Variants in THADA observed in about 807,000 individuals in gnomAD.
The protein encoded by THADA is tRNA (32-2'-O)-methyltransferase regulator THADA.
In THADA, 213 loss-of-function variants were observed where a neutral mutation model predicts 219.8. The observed-to-expected ratio is 0.97, with a 90% CI of 0.87 to 1.09. The LOEUF (loss-of-function observed/expected upper bound fraction) is 1.09. Ranked by LOEUF, THADA falls within the 50% of genes least tolerant of loss-of-function variation. The pLI is 0.00. For synonymous variants in THADA, 1,018 were observed against 828.9 expected, an observed-to-expected ratio of 1.23 and a Z score of -3.92; for missense variants, 2,956 against 2,311.3, an observed-to-expected ratio of 1.28 and a Z score of -5.72.
intron 10 of THADA, among the ~76,000 whole-genome samples, chr2:43,576,097 G>GA (rs1453374775): frequency 6.6e-6 from 1 of 152,038 alleles, no homozygotes; most frequent in African/African-American, 2.4e-5. Flanking sequence ...AATTTTTAAA[G>GA]AAAAAATATA....
At chr2:43,564,933 G>A (rs1189871750) in intron 15 of THADA, 2 of 152,146 alleles carry the variant, frequency 1.3e-5, no homozygotes, top group East Asian at 3.8e-4. Context: ...AAAACGCAAT[G>A]CGTGATCTAG....
rs536854453 is a variant in THADA at position 43,400,333 on chromosome 2, T to C, written c.4059-2194A>G. The stretch of plus-strand genomic sequence containing the variant: ...ACAAAACCTCTCCTCAAAAAAGTAA[T>C]GCAATTACCAAAAAAGAAGCCAATT... On this transcript the variant is annotated intron_variant, in intron 28 of 37. Transcript: ENST00000405975. Among the ~76,000 whole-genome samples the C allele has an allele frequency of 8.6e-5, 13 of 151,844 alleles. No homozygotes were observed. In the South Asian group the frequency reaches 2.1e-3, roughly 24 times the overall value.
In THADA at chr2:43,489,028, G is replaced by A. The variant is rs566223981; in HGVS notation, c.3745-3703C>T. 3.9e-5 allele frequency among the ~76,000 whole-genome samples: 6 copies of A among 152,170 alleles called. No homozygotes were observed. In the East Asian group the frequency reaches 9.6e-4, roughly 24 times the overall value. On this transcript the variant is annotated intron_variant, in intron 25 of 37. Coordinates refer to ENST00000405975, the MANE Select transcript of THADA (RefSeq NM_022065.5). ...GTTGTCGTTTATTATTGAGTTATAA[G>A]AGTTCTTTATATATTCTGGACACTC...
chr2:43,496,661 C>CAA (rs74271085), intron 25 of THADA, among the ~76,000 whole-genome samples: 2 of 142,658 alleles, frequency 1.4e-5, no homozygotes, highest in East Asian at 4.0e-4. Flanking sequence ...TGGCTATTAT[C>CAA]AAAAAAAAAA....
At chr2:43,288,477 A>C (rs1387922372) in intron 34 of THADA, among the ~76,000 whole-genome samples, 2 of 152,218 alleles carry the variant, frequency 1.3e-5, no homozygotes, top group Non-Finnish European at 2.9e-5. Context: ...TGTTGTTTTT[A>C]TTTTTTAGAA....
Position 43,279,972 on chromosome 2 carries a change from G to A in THADA, c.5165-76C>T, listed in dbSNP as rs942120647. 1.8e-5 allele frequency: 24 copies of A among 1,351,218 alleles called. No homozygotes were observed. The African/African-American group carries it at 3.5e-4, about 20-fold the overall frequency. The allele number at this position is 1,351,218 out of a possible 1,614,324, so 83.7% of individuals were successfully genotyped here. A position where few individuals can be genotyped will look rare whatever the true frequency, so the allele number is the denominator to read the frequency against. On this transcript the variant is annotated intron_variant, in intron 35 of 37. Transcript: ENST00000405975. Reference sequence around the variant, plus strand: ...GGTGCAAATACTGCTTCAAATCCCTGGTGGAAGAGAGGAGCATTGAATGAG... The same window carrying A: ...GGTGCAAATACTGCTTCAAATCCCTAGTGGAAGAGAGGAGCATTGAATGAG...
intron 21 of THADA, among the ~76,000 whole-genome samples, chr2:43,540,460 T>C (rs1266449956): frequency 6.6e-6 from 1 of 152,226 alleles, no homozygotes; most frequent in Non-Finnish European, 1.5e-5. Context: ...TGTAACACCC[T>C]AGGGAAAAAG....
chr2:43,337,781 A>C (rs918132214), intron 30 of THADA, among the ~76,000 whole-genome samples: 1 of 152,198 alleles, frequency 6.6e-6, no homozygotes, highest in African/African-American at 2.4e-5. Context: ...AATGGGAAAC[A>C]AACTGTATGC....
chr2:43,291,640 G>T, intron 34 of THADA, 56 bp downstream of exon 34: 3 of 1,386,200 alleles, frequency 2.2e-6, no homozygotes, highest in South Asian at 2.7e-5. Flanking sequence ...GACATCTTCT[G>T]AGTAAATGAG....
intron 29 of THADA, among the ~76,000 whole-genome samples, chr2:43,365,377 C>T (rs993588122): frequency 5.3e-5 from 8 of 151,710 alleles, no homozygotes; most frequent in East Asian, 1.9e-4. Flanking sequence ...TTGAGACCAG[C>T]GTGGCCAATA....
At chr2:43,316,552 T>C (rs1678101019) in intron 31 of THADA, among the ~76,000 whole-genome samples, 1 of 152,114 alleles carries the variant, frequency 6.6e-6, no homozygotes, top group Admixed American at 6.5e-5. Context: ...TTTAAAAATA[T>C]GAGAACAGTG....
intron 29 of THADA, 22 bp downstream of exon 29, chr2:43,397,949 C>T: frequency 6.2e-7 from 1 of 1,612,686 alleles, no homozygotes; most frequent in Non-Finnish European, 8.5e-7. Context: ...TGACAGAAGT[C>T]ACACAAAGCA....
At chr2:43,292,723 T>G in intron 32 of THADA, 111 bp downstream of exon 32, 1 of 1,346,842 alleles carries the variant, frequency 7.4e-7, no homozygotes, top group Non-Finnish European at 1.0e-6. Context: ...CTACTTCCTA[T>G]TGCCCCTGGA....
At chr2:43,502,024 CT>C (rs1263641158) in intron 24 of THADA, among the ~76,000 whole-genome samples, 2 of 152,098 alleles carry the variant, frequency 1.3e-5, no homozygotes, top group Admixed American at 1.3e-4. Context: ...AACCACCTAT[CT>C]ATGAAAACAC....
At chr2:43,343,891 G>C (rs994311809) in intron 30 of THADA, 1 of 397,680 alleles carries the variant, frequency 2.5e-6, no homozygotes, top group African/African-American at 2.0e-5. Flanking sequence ...TTGGTGGGCA[G>C]ACAAAAAGCC....
intron 29 of THADA, among the ~76,000 whole-genome samples, chr2:43,397,626 C>G (rs552007424): frequency 1.3e-5 from 2 of 151,816 alleles, no homozygotes; most frequent in Admixed American, 1.3e-4. Flanking sequence ...CAGTTTCACT[C>G]GGAATAGGTA....
chr2:43,256,635 G>A (rs1670345462), intron 36 of THADA, among the ~76,000 whole-genome samples: 2 of 150,828 alleles, frequency 1.3e-5, no homozygotes, highest in Admixed American at 1.3e-4. Context: ...GGTAGAGACA[G>A]AGTATGTTAT....
chr2:43,309,660 G>A (rs1044905371), intron 31 of THADA, among the ~76,000 whole-genome samples: 1 of 152,090 alleles, frequency 6.6e-6, no homozygotes, highest in Admixed American at 6.5e-5. Flanking sequence ...CCTGACAAAA[G>A]GCATCTATAA....
chr2:43,576,173 A>G (rs1699836231), intron 10 of THADA, among the ~76,000 whole-genome samples: 1 of 152,252 alleles, frequency 6.6e-6, no homozygotes, highest in Non-Finnish European at 1.5e-5. Flanking sequence ...GAATAAACTA[A>G]TAAACTGAAT....
Sources: gnomAD v4.1 joint callset for allele counts (sites outside exome capture counted in the v4.1 genomes callset) on GRCh38, gnomAD v4.1.1 for gene constraint, MANE v1.5 for transcripts, NCBI Gene and HGNC (gene_info 2026-07-23, HGNC 2026-07-21) for gene names.